TRIP11: variants seen among roughly 807,000 people sequenced by gnomAD.
TRIP11 encodes thyroid receptor-interacting protein 11.
TRIP11 carries 148 observed loss-of-function variants against 223.1 expected under a neutral mutation model. The observed-to-expected ratio is 0.66, with a 90% CI of 0.58 to 0.76. The LOEUF (loss-of-function observed/expected upper bound fraction) is 0.76. Among genes scored for constraint, TRIP11 ranks in the 30% least tolerant of loss-of-function variants. The pLI, the probability that TRIP11 is intolerant of heterozygous loss-of-function variation, is 0.00. For missense variants in TRIP11, 2,043 were observed against 2,222.0 expected (o/e 0.92, Z 1.62); for synonymous variants, 762 against 772.6 (o/e 0.99, Z 0.23).
intron 18 of TRIP11, 42 bp from the exon 19 acceptor site, chr14:91,974,785 G>GAAA (rs370006254): frequency 2.5e-5 from 27 of 1,061,688 alleles, no homozygotes; most frequent in East Asian, 6.3e-5. Flanking sequence ...ATCAGTACAA[G>GAAA]AAAAAAAAAA....
intron 8 of TRIP11, among the ~76,000 whole-genome samples, 166 bp from the exon 9 acceptor site, chr14:92,011,238 T>C (rs757037477): frequency 2.0e-5 from 3 of 152,204 alleles, no homozygotes; most frequent in Non-Finnish European, 4.4e-5. Context: ...TGCCTGTTAA[T>C]CCCAGCACTT....
intron 16 of TRIP11, among the ~76,000 whole-genome samples, chr14:91,986,245 A>G (rs2056602734): frequency 6.6e-6 from 1 of 152,212 alleles, no homozygotes; most frequent in Middle Eastern, 3.2e-3. Flanking sequence ...ATATTCTACT[A>G]GTGGGGGCTT....
chr14:92,005,734 T>C lies in TRIP11; in HGVS notation c.2242A>G (p.Asn748Asp). 3 of 1,614,048 alleles carry C rather than the reference T, an allele frequency of 1.9e-6. No homozygotes were observed. Among genetic ancestry groups the C allele is most frequent in the South Asian group, 1.1e-5 (1 of 91,080 alleles). Reference sequence around the variant, plus strand: ...GCAGAGGTATTCAAATTACGTGCATTTGACAGTTCTTCAATGGTTTTCTCA... The same window carrying C: ...GCAGAGGTATTCAAATTACGTGCATCTGACAGTTCTTCAATGGTTTTCTCA... Reference protein sequence around the residue: ...KYEKTIEELSNARNLNTSALQ... With the variant: ...KYEKTIEELSDARNLNTSALQ... Residue 748 changes from asparagine (N) to aspartate (D), a missense_variant, in exon 11 of 21, where the codon AAT (asparagine) becomes GAT (aspartate). Physicochemically the swap from Asn to Asp is conservative, Grantham distance 23 (BLOSUM62 1). Coordinates refer to ENST00000267622, the MANE Select transcript of TRIP11 (RefSeq NM_004239.4).
chr14:92,005,999 T>C lies in TRIP11; in HGVS notation c.1977A>G (p.Ser659=). The C allele has an allele frequency of 6.3e-7, 1 of 1,596,900 alleles. No homozygotes were observed. The highest frequency in any genetic ancestry group is 8.5e-7 in the Non-Finnish European group (1 of 1,174,532). ...AATTTTCATTGAGCTGTTCTAATTCTGAAAGATTTTGCTTTAAGTTTCTAA... is the reference window on the plus strand; with the variant it reads ...AATTTTCATTGAGCTGTTCTAATTCCGAAAGATTTTGCTTTAAGTTTCTAA... ...AEVRNLKQNL[S]ELEQLNENLK... Residue 659 remains serine, a synonymous_variant, in exon 11 of 21, where the codon TCA becomes TCG. Coordinates refer to ENST00000267622, the MANE Select transcript of TRIP11 (RefSeq NM_004239.4).
At chr14:91,989,229 C>T (rs1482189897) in intron 15 of TRIP11, among the ~76,000 whole-genome samples, 1 of 152,080 alleles carries the variant, frequency 6.6e-6, no homozygotes, top group Non-Finnish European at 1.5e-5. Context: ...CCAATAAATG[C>T]CATCTATCCC....
chr14:92,000,175 T>C, intron 11 of TRIP11, 67 bp from the exon 12 acceptor site: 1 of 1,601,556 alleles, frequency 6.2e-7, no homozygotes, highest in Non-Finnish European at 8.5e-7. Context: ...AGAGACATTT[T>C]CTTCACTCAA....
At chr14:92,012,786 G>C (rs570958698) in intron 7 of TRIP11, among the ~76,000 whole-genome samples, 2 of 152,198 alleles carry the variant, frequency 1.3e-5, no homozygotes, top group South Asian at 4.1e-4. Context: ...TGAAGAGATA[G>C]GCAGGAACTA....
intron 2 of TRIP11, among the ~76,000 whole-genome samples, chr14:92,027,886 A>C (rs1019321999): frequency 6.6e-5 from 10 of 152,344 alleles, no homozygotes; most frequent in Non-Finnish European, 1.5e-4. Context: ...GGAATAATCA[A>C]AGGAATAATT....
chr14:92,024,239 G>A (rs1310351773), intron 3 of TRIP11, among the ~76,000 whole-genome samples: 3 of 151,952 alleles, frequency 2.0e-5, no homozygotes, highest in East Asian at 1.9e-4. Flanking sequence ...TTAGCCAGGC[G>A]TGGTAGTGCA....
At chr14:91,972,990 C>A in intron 19 of TRIP11, 129 bp from the exon 20 acceptor site, 26 of 704,676 alleles carry the variant, frequency 3.7e-5, no homozygotes, top group Non-Finnish European at 4.5e-5. Flanking sequence ...TTTTTTTTTA[C>A]AAATCAGCTT....
At chr14:92,021,236 T>C (rs1437559039) in intron 4 of TRIP11, among the ~76,000 whole-genome samples, 2 of 151,590 alleles carry the variant, frequency 1.3e-5, no homozygotes, top group Admixed American at 6.6e-5. Context: ...CTACTAAAGA[T>C]ACAAAAACTA....
intron 2 of TRIP11, among the ~76,000 whole-genome samples, chr14:92,027,338 A>G (rs191288687): frequency 6.6e-6 from 1 of 152,114 alleles, no homozygotes; most frequent in East Asian, 1.9e-4. Flanking sequence ...ACAACAGAAA[A>G]ACAATCTTAT....
chr14:92,026,754 A>C lies in TRIP11; in HGVS notation c.202-1334T>G. 2.7e-6 allele frequency: 3 copies of C among 1,114,130 alleles called. 1 individual carries two copies. The Middle Eastern group carries it at 8.3e-4, about 307-fold the overall frequency. 69.0% of individuals were successfully genotyped at this position (1,114,130 alleles called of 1,614,324 possible). On this transcript the variant is annotated intron_variant, in intron 2 of 20. Transcript: ENST00000267622. The stretch of plus-strand genomic sequence containing the variant: ...GTGGGGAGGAAGAGGAGGAGGAAGA[A>C]GAAGGTGAGGGTGAGGAAGAAGGAT...
At chr14:92,036,117 A>C (rs2057322853) in intron 1 of TRIP11, among the ~76,000 whole-genome samples, 1 of 152,196 alleles carries the variant, frequency 6.6e-6, no homozygotes, top group Admixed American at 6.5e-5. Context: ...AGGACTGTTT[A>C]ATTGCTACTC....
intron 19 of TRIP11, among the ~76,000 whole-genome samples, chr14:91,973,086 C>T (rs2056420301): frequency 6.8e-6 from 1 of 146,508 alleles, no homozygotes; most frequent in Non-Finnish European, 1.5e-5. Flanking sequence ...AGTGCAATGG[C>T]ACTATCTCGG....
chr14:92,003,932 C>T lies in TRIP11; in HGVS notation c.4044G>A (p.Glu1348=), dbSNP rs2056861883. 6.2e-7 allele frequency: 1 copy of T among 1,614,138 alleles called. No individual in the cohort carries two copies. The highest frequency in any genetic ancestry group is 8.5e-7 in the Non-Finnish European group (1 of 1,180,036). ...LSESSELLQQ[E]LEELRKSLQE... ...GTAGTGATTTTCTTAGCTCTTCTAA[C>T]TCTTGCTGAAGCAATTCAGAAGATT... Residue 1348 remains glutamate, a synonymous_variant, in exon 11 of 21, where the codon GAG becomes GAA. Transcript: ENST00000267622.
intron 16 of TRIP11, among the ~76,000 whole-genome samples, chr14:91,984,852 A>G (rs773112333): frequency 8.5e-5 from 13 of 152,298 alleles, no homozygotes; most frequent in African/African-American, 2.4e-4. Flanking sequence ...CTGAGTTTGG[A>G]TATGGGATGG....
rs1020137544 is a variant in TRIP11, at chr14:92,031,611, A to G, written c.201+1581T>C. ...ACCACAACGAAAAGAACTAGAAGTA[A>G]TAATAACCTGAAATCTATTAGAGAG... On this transcript the variant is annotated intron_variant, in intron 2 of 20. Coordinates refer to ENST00000267622, the MANE Select transcript of TRIP11 (RefSeq NM_004239.4). 3.3e-5 allele frequency among the ~76,000 whole-genome samples: 5 copies of G among 152,332 alleles called. 1 individual carries two copies. The highest frequency in any genetic ancestry group is 1.2e-4 in the African/African-American group (5 of 41,586).
At chr14:92,010,958 A>G (rs762790544) in intron 9 of TRIP11, 28 bp downstream of exon 9, 4 of 1,606,800 alleles carry the variant, frequency 2.5e-6, no homozygotes, top group Non-Finnish European at 3.4e-6. Flanking sequence ...TACCATTTTA[A>G]TTCTGCCCCC....
Sources: allele counts gnomAD v4.1 joint callset (sites outside exome capture counted in the v4.1 genomes callset), GRCh38; gene constraint gnomAD v4.1.1; transcripts MANE v1.5; gene names NCBI Gene and HGNC (gene_info 2026-07-23, HGNC 2026-07-21).